Variants in SORCS1 observed in about 807,000 individuals in gnomAD.
The protein encoded by SORCS1 is VPS10 domain-containing receptor SorCS1.
In SORCS1, 60 loss-of-function variants were observed where a neutral mutation model predicts 146.1. That is an observed-to-expected ratio of 0.41 (90% confidence interval 0.33 to 0.51). SORCS1 has a LOEUF of 0.51. SORCS1 is among the 20% of genes least tolerant of loss of function. The pLI, the probability that SORCS1 is intolerant of heterozygous loss-of-function variation, is 0.21. For missense variants in SORCS1, 1,352 were observed against 1,487.6 expected (o/e 0.91, Z 1.50); for synonymous variants, 637 against 584.0 (o/e 1.09, Z -1.31).
chr10:106,956,431 C>A (rs543793514), intron 2 of SORCS1, 82 bp downstream of exon 2: 1 of 1,297,342 alleles, frequency 7.7e-7, no homozygotes, highest in Non-Finnish European at 1.1e-6. Flanking sequence ...AACCTTCCTG[C>A]CAGGAAAAAG....
intron 6 of SORCS1, among the ~76,000 whole-genome samples, chr10:106,715,906 C>A (rs1855334569): frequency 6.6e-6 from 1 of 152,094 alleles, no homozygotes; most frequent in Admixed American, 6.5e-5. Flanking sequence ...GCGCATGCCA[C>A]CACGCCTGGC....
At chr10:107,086,327 T>C (rs934061400) in intron 1 of SORCS1, among the ~76,000 whole-genome samples, 1 of 152,214 alleles carries the variant, frequency 6.6e-6, no homozygotes, top group East Asian at 1.9e-4. Context: ...GTGGATTATT[T>C]TGGGAGGTTG....
intron 1 of SORCS1, among the ~76,000 whole-genome samples, chr10:107,030,724 A>G (rs901089051): frequency 6.6e-6 from 1 of 152,204 alleles, no homozygotes; most frequent in Admixed American, 6.5e-5. Context: ...GGCAGGCCTC[A>G]TTTTTACATT....
intron 1 of SORCS1, among the ~76,000 whole-genome samples, chr10:107,108,810 T>TA (rs1278911848): frequency 4.0e-5 from 6 of 151,828 alleles, no homozygotes; most frequent in African/African-American, 1.2e-4. Context: ...GCCTGTAACA[T>TA]AAAAAAAACA....
chr10:106,672,834 G>A (rs1401468933), intron 15 of SORCS1, 34 bp downstream of exon 15: 12 of 1,576,710 alleles, frequency 7.6e-6, no homozygotes, highest in Admixed American at 1.7e-5. Context: ...CATGCTTCCT[G>A]CCCAGGCCTT....
intron 19 of SORCS1, among the ~76,000 whole-genome samples, chr10:106,626,821 G>A (rs764881492): frequency 6.6e-6 from 1 of 152,182 alleles, no homozygotes; most frequent in Non-Finnish European, 1.5e-5. Context: ...CTTCAAACAT[G>A]AACTTGCTTT....
At chr10:106,707,352 C>T (rs1452534526) in intron 7 of SORCS1, among the ~76,000 whole-genome samples, 1 of 151,882 alleles carries the variant, frequency 6.6e-6, no homozygotes, top group Non-Finnish European at 1.5e-5. Flanking sequence ...CCACACCTGG[C>T]TATGTTTTGT....
chr10:106,779,412 A>T (rs1190269113), intron 3 of SORCS1, among the ~76,000 whole-genome samples: 1 of 152,182 alleles, frequency 6.6e-6, no homozygotes, highest in Non-Finnish European at 1.5e-5. Context: ...AAAAGAAAAC[A>T]AACTCATGAC....
Position 107,005,282 on chromosome 10 carries a change from C to T in SORCS1, c.559-48702G>A, listed in dbSNP as rs75318662. 9.4e-3 allele frequency among the ~76,000 whole-genome samples: 1,428 copies of T among 151,206 alleles called. 14 individuals are homozygous for T. The highest frequency in any genetic ancestry group is 0.015 in the Non-Finnish European group (999 of 67,844). ...GAAGCTGCAGTGAGCTATGATTGTG[C>T]CACTGTATTCCAGGCTGGGTGAGAC... is the stretch of plus-strand genomic sequence containing the variant. On this transcript the variant is annotated intron_variant, in intron 1 of 25. Coordinates refer to ENST00000263054, the MANE Select transcript of SORCS1 (RefSeq NM_052918.5).
At chr10:107,153,469 G>A (rs1458334642) in intron 1 of SORCS1, among the ~76,000 whole-genome samples, 1 of 152,164 alleles carries the variant, frequency 6.6e-6, no homozygotes, top group Non-Finnish European at 1.5e-5. Flanking sequence ...GTGAATGGAG[G>A]TCACTGGAAT....
intron 5 of SORCS1, among the ~76,000 whole-genome samples, chr10:106,739,591 G>A (rs1383624907): frequency 6.6e-6 from 1 of 151,886 alleles, no homozygotes; most frequent in Admixed American, 6.6e-5. Context: ...GGTGGATCAC[G>A]AGGTCAGAAG....
intron 6 of SORCS1, among the ~76,000 whole-genome samples, chr10:106,713,397 A>G (rs997338049): frequency 6.6e-6 from 1 of 152,216 alleles, no homozygotes; most frequent in South Asian, 2.1e-4. Context: ...TGATGCATAC[A>G]CAATTCTTGT....
At position 106,577,497 on chromosome 10, in the gene SORCS1, G is replaced by C; in HGVS notation, c.3430C>G (p.Arg1144Gly). 1 of 1,611,526 alleles carries C rather than the reference G, an allele frequency of 6.2e-7. No individual in the cohort carries two copies. Among genetic ancestry groups the C allele is most frequent in the Non-Finnish European group, 8.5e-7 (1 of 1,178,440 alleles). Residue 1144 changes from arginine to glycine, a missense_variant, in exon 26 of 26, where the codon CGA becomes GGA. Physicochemically the swap from Arg to Gly is moderately radical, Grantham distance 125. Transcript: ENST00000263054. ...PSTQPGDSSLRLQRARHATPP... is the reference protein window; with the variant it reads ...PSTQPGDSSLGLQRARHATPP... The stretch of plus-strand genomic sequence containing the variant: ...GTGGCGTGTCTTGCTCTTTGCAATC[G>C]GAGAGATGAGTCACCAGGTTGAGTA...
At chr10:106,843,901 C>T (rs1949182556) in intron 2 of SORCS1, among the ~76,000 whole-genome samples, 1 of 152,094 alleles carries the variant, frequency 6.6e-6, no homozygotes, top group African/African-American at 2.4e-5. Flanking sequence ...GATTTTATTT[C>T]CTTTGGATAT....
At chr10:106,873,281 C>A (rs1420223010) in intron 2 of SORCS1, among the ~76,000 whole-genome samples, 1 of 151,134 alleles carries the variant, frequency 6.6e-6, no homozygotes, top group Non-Finnish European at 1.5e-5. Flanking sequence ...CCACTGCACT[C>A]CAGCCTGGGC....
At chr10:107,051,511 G>A (rs924172803) in intron 1 of SORCS1, among the ~76,000 whole-genome samples, 2 of 152,114 alleles carry the variant, frequency 1.3e-5, no homozygotes, top group East Asian at 1.9e-4. Context: ...AGTTTAGACA[G>A]TTTCTCCAGA....
At chr10:106,724,372 T>C (rs1856002972) in intron 6 of SORCS1, among the ~76,000 whole-genome samples, 1 of 151,952 alleles carries the variant, frequency 6.6e-6, no homozygotes, top group Non-Finnish European at 1.5e-5. Context: ...CTGGGCGTGG[T>C]GGTGTGCACC....
chr10:106,986,564 CTTT>C (rs1956486342), intron 1 of SORCS1, among the ~76,000 whole-genome samples: 1 of 148,454 alleles, frequency 6.7e-6, no homozygotes, highest in African/African-American at 2.5e-5. Context: ...GAGTGTGTAA[CTTT>C]TTTATACCCC....
At chr10:106,913,191 C>T (rs752697402) in intron 2 of SORCS1, among the ~76,000 whole-genome samples, 1 of 152,144 alleles carries the variant, frequency 6.6e-6, no homozygotes, top group Non-Finnish European at 1.5e-5. Context: ...AAGAAAGTCT[C>T]TTTCTTGTCC....
Sources: allele counts gnomAD v4.1 joint callset (sites outside exome capture counted in the v4.1 genomes callset), GRCh38; gene constraint gnomAD v4.1.1; transcripts MANE v1.5; gene names NCBI Gene and HGNC (gene_info 2026-07-23, HGNC 2026-07-21).